Variants in GRID2 observed in about 807,000 individuals in gnomAD.
GRID2 encodes the protein glutamate receptor ionotropic, delta-2.
A neutral mutation model predicts 114.8 loss-of-function variants in GRID2; 33 were observed. The ratio of observed to expected loss-of-function variants is 0.29; its 90% confidence interval spans 0.22 to 0.38. The LOEUF (loss-of-function observed/expected upper bound fraction) is 0.38. Ranked by LOEUF, GRID2 falls within the 10% of genes least tolerant of loss-of-function variation. The pLI is 1.00. For missense variants in GRID2, 1,184 were observed against 1,257.7 expected (o/e 0.94, Z 0.89); for synonymous variants, 505 against 449.9 (o/e 1.12, Z -1.55).
intron 1 of GRID2, among the ~76,000 whole-genome samples, chr4:92,424,790 T>A (rs1732076348): frequency 2.7e-5 from 4 of 150,824 alleles, no homozygotes; most frequent in Admixed American, 6.6e-5. Flanking sequence ...ATAAAAATTG[T>A]CTATTTACAA....
At chr4:93,618,050 A>G (rs528998330) in intron 13 of GRID2, among the ~76,000 whole-genome samples, 1 of 152,164 alleles carries the variant, frequency 6.6e-6, no homozygotes, top group African/African-American at 2.4e-5. Context: ...TACTCATGAC[A>G]TGGGGCTTTT....
At chr4:93,562,757 C>G (rs1735045310) in intron 13 of GRID2, among the ~76,000 whole-genome samples, 1 of 151,950 alleles carries the variant, frequency 6.6e-6, no homozygotes, top group African/African-American at 2.4e-5. Context: ...CTGTGCATGT[C>G]CAGCTGTTCT....
intron 14 of GRID2, among the ~76,000 whole-genome samples, chr4:93,669,828 C>A (rs765285813): frequency 6.6e-6 from 1 of 152,138 alleles, no homozygotes; most frequent in Non-Finnish European, 1.5e-5. Context: ...ACCCACCCTG[C>A]ACCTTCTCTC....
intron 2 of GRID2, among the ~76,000 whole-genome samples, chr4:92,776,565 G>A (rs187136876): frequency 2.1e-4 from 32 of 151,880 alleles, no homozygotes; most frequent in East Asian, 5.8e-4. Context: ...AAACTGTTAC[G>A]GTCAATTAGA....
chr4:92,695,828 G>A (rs1004087881), intron 2 of GRID2, among the ~76,000 whole-genome samples: 5 of 151,948 alleles, frequency 3.3e-5, no homozygotes, highest in African/African-American at 7.2e-5. Flanking sequence ...CAAATAGTTC[G>A]TGAATTAAAA....
intron 2 of GRID2, among the ~76,000 whole-genome samples, chr4:92,624,015 T>C (rs1373720692): frequency 6.6e-6 from 1 of 151,880 alleles, no homozygotes; most frequent in Non-Finnish European, 1.5e-5. Context: ...TGTGGTATTA[T>C]AGACTGCAGA....
chr4:93,665,652 T>C (rs1213251342), intron 14 of GRID2, among the ~76,000 whole-genome samples: 1 of 152,164 alleles, frequency 6.6e-6, no homozygotes, highest in Admixed American at 6.5e-5. Context: ...CTGCTCTAAA[T>C]GCTATAAGTT....
At chr4:92,748,631 TGTATTATTATTA>T (rs1418404830) in intron 2 of GRID2, among the ~76,000 whole-genome samples, 2 of 125,284 alleles carry the variant, frequency 1.6e-5, no homozygotes, top group African/African-American at 6.1e-5. Flanking sequence ...TTAATTAAAT[TGTATTATTATTA>T]TTATTATTAT....
At chr4:93,125,987 T>A (rs1285137028) in intron 4 of GRID2, among the ~76,000 whole-genome samples, 1 of 152,228 alleles carries the variant, frequency 6.6e-6, no homozygotes, top group Non-Finnish European at 1.5e-5. Context: ...ACATTCCCAA[T>A]CACATGAGTC....
intron 8 of GRID2, among the ~76,000 whole-genome samples, chr4:93,367,022 T>C (rs7681947): frequency 0.19 from 29,506 of 151,658 alleles, 4,258 homozygotes; most frequent in African/African-American, 0.41. Context: ...TATTTCTACT[T>C]TCCTTGGACT....
chr4:93,022,095 G>C (rs1464823628), intron 2 of GRID2, among the ~76,000 whole-genome samples: 2 of 151,444 alleles, frequency 1.3e-5, no homozygotes, highest in African/African-American at 4.8e-5. Flanking sequence ...TTGAATCTAA[G>C]ATATTTACAA....
At chr4:93,443,034 C>T (rs1721765382) in intron 10 of GRID2, among the ~76,000 whole-genome samples, 2 of 151,906 alleles carry the variant, frequency 1.3e-5, no homozygotes, top group South Asian at 4.1e-4. Flanking sequence ...TGAAATATAC[C>T]ATAAATATAA....
intron 2 of GRID2, among the ~76,000 whole-genome samples, chr4:92,843,971 T>C (rs1338037769): frequency 6.6e-6 from 1 of 152,124 alleles, no homozygotes; most frequent in Non-Finnish European, 1.5e-5. Flanking sequence ...ATATTGCAGA[T>C]CTTGAAAATG....
intron 1 of GRID2, among the ~76,000 whole-genome samples, chr4:93,780,970 G>A (rs913113745): frequency 6.6e-6 from 1 of 152,192 alleles, no homozygotes; most frequent in African/African-American, 2.4e-5. Context: ...GCGTAGATAG[G>A]TATTGAAGGA....
At chr4:93,368,651 A>C (rs1004398933) in intron 8 of GRID2, among the ~76,000 whole-genome samples, 2 of 152,172 alleles carry the variant, frequency 1.3e-5, no homozygotes, top group African/African-American at 4.8e-5. Context: ...TAAGTAAAAC[A>C]ATAAACTTTT....
intron 1 of GRID2, among the ~76,000 whole-genome samples, chr4:92,376,203 A>T (rs1444024833): frequency 6.6e-6 from 1 of 152,110 alleles, no homozygotes; most frequent in Non-Finnish European, 1.5e-5. Flanking sequence ...CCAGCTACTC[A>T]GAAGTCTGAG....
intron 2 of GRID2, among the ~76,000 whole-genome samples, chr4:92,794,036 A>C (rs1293574496): frequency 6.6e-6 from 1 of 151,922 alleles, no homozygotes; most frequent in Non-Finnish European, 1.5e-5. Context: ...ATTAGTGGCC[A>C]TTGTTTGGAA....
At chr4:93,199,538 A>T (rs1579267930) in intron 4 of GRID2, among the ~76,000 whole-genome samples, 1 of 152,318 alleles carries the variant, frequency 6.6e-6, no homozygotes, top group Non-Finnish European at 1.5e-5. Flanking sequence ...TTTATGAAAT[A>T]ACTTTGGCAG....
At chr4:92,540,087 AG>A (rs1250504824) in intron 1 of GRID2, among the ~76,000 whole-genome samples, 1 of 152,332 alleles carries the variant, frequency 6.6e-6, no homozygotes, top group African/African-American at 2.4e-5. Context: ...AAAACTGGCT[AG>A]CCATATGTAG....
Sources: gnomAD v4.1 joint callset for allele counts (sites outside exome capture counted in the v4.1 genomes callset) on GRCh38, gnomAD v4.1.1 for gene constraint, MANE v1.5 for transcripts, NCBI Gene and HGNC (gene_info 2026-07-23, HGNC 2026-07-21) for gene names.